BCAS3: variants seen among roughly 807,000 people sequenced by gnomAD.
The protein encoded by BCAS3 is BCAS4/BCAS3 fusion.
In BCAS3, 53 loss-of-function variants were observed where a neutral mutation model predicts 116.1. That is an observed-to-expected ratio of 0.46 (90% CI 0.37 to 0.57). The LOEUF (loss-of-function observed/expected upper bound fraction) is 0.57. BCAS3 is among the 20% of genes least tolerant of loss of function. The pLI, the probability that BCAS3 is intolerant of heterozygous loss-of-function variation, is 0.00. For missense variants in BCAS3, 917 were observed against 1,165.4 expected, an observed-to-expected ratio of 0.79 and a Z score of 3.10; for synonymous variants, 391 against 408.2, an observed-to-expected ratio of 0.96 and a Z score of 0.51.
In BCAS3 at chr17:61,315,646, C is replaced by T. The variant is rs901138122; in HGVS notation, c.2426-52681C>T. 6.6e-6 allele frequency among the ~76,000 whole-genome samples: 1 copy of T among 152,210 alleles called. No individual in the cohort carries two copies. The highest frequency in any genetic ancestry group is 1.5e-5 in the Non-Finnish European group (1 of 68,040). On this transcript the variant is annotated intron_variant, in intron 22 of 23. Transcript: ENST00000407086. The surrounding 1 kb of genome is among the most constrained non-coding windows in gnomAD (Gnocchi z 5.3). ...CCCAAGGACTCTACAGCCTCAGCCTCACCCATCGATGCTTCCCCATGTGGG... is the reference window on the plus strand; with the variant it reads ...CCCAAGGACTCTACAGCCTCAGCCTTACCCATCGATGCTTCCCCATGTGGG...
rs1386663582 is a variant in BCAS3, at chr17:61,134,204, A to G, written c.2425+49640A>G. ...AACACTGGAGCAATTATACATCCTA[A>G]AAAGAAAGGGAAGAAATACCATTTC... On this transcript the variant is annotated intron_variant, in intron 22 of 23. Coordinates refer to ENST00000407086, the MANE Select transcript of BCAS3 (RefSeq NM_017679.5). The surrounding 1 kb of genome is among the most constrained non-coding windows in gnomAD (Gnocchi z 4.6). Among the ~76,000 whole-genome samples the G allele has an allele frequency of 6.6e-6, 1 of 152,228 alleles. No homozygotes were observed. The highest frequency in any genetic ancestry group is 1.5e-5 in the Non-Finnish European group (1 of 68,034).
chr17:60,988,332 CTTTTTCTTTT>C, intron 14 of BCAS3, among the ~76,000 whole-genome samples: 1 of 59,920 alleles, frequency 1.7e-5, no homozygotes, highest in African/African-American at 6.2e-5. Context: ...CTTTTCTTTT[CTTTTTCTTTT>C]TTTTTTTTTT....
At chr17:61,075,917 G>T (rs1300649799) in intron 20 of BCAS3, among the ~76,000 whole-genome samples, 1 of 151,566 alleles carries the variant, frequency 6.6e-6, no homozygotes, top group Admixed American at 6.6e-5. Context: ...TGGCTAATTT[G>T]TTTTTTTTGT....
Position 61,132,811 on chromosome 17 carries a change from G to A in BCAS3, c.2425+48247G>A, listed in dbSNP as rs2076410037. 6.6e-6 allele frequency among the ~76,000 whole-genome samples: 1 copy of A among 152,120 alleles called. No homozygotes were observed. The highest frequency in any genetic ancestry group is 2.4e-5 in the African/African-American group (1 of 41,428). The stretch of plus-strand genomic sequence containing the variant: ...TCAATGAGAAGAAGCTCCTTACCAG[G>A]TCTGTGTGGGTCACGGGGCAAGATC... On this transcript the variant is annotated intron_variant, in intron 22 of 23. Coordinates refer to ENST00000407086, the MANE Select transcript of BCAS3 (RefSeq NM_017679.5). The surrounding 1 kb of genome is among the most constrained non-coding windows in gnomAD (Gnocchi z 5.1).
rs540168681 is a variant in BCAS3, at chr17:60,781,294, C to T, written c.404-26710C>T. ...TTTTTTTTCCTTTTTTTTTTGCCAT[C>T]TTTCTCAAAGAAAGAATTTTCCAGC... On this transcript the variant is annotated intron_variant, in intron 6 of 23. Transcript: ENST00000407086. Among the ~76,000 whole-genome samples, 36 of 150,670 alleles carry T rather than the reference C, an allele frequency of 2.4e-4. No homozygotes were observed. The East Asian group carries it at 6.8e-3, about 29-fold the overall frequency.
intron 7 of BCAS3, among the ~76,000 whole-genome samples, chr17:60,813,937 A>C (rs539419844): frequency 7.4e-4 from 112 of 152,238 alleles, no homozygotes; most frequent in African/African-American, 2.5e-3. Context: ...GTAGCCTTAT[A>C]GTATAGTTTG....
At chr17:61,150,157 G>A (rs1490370535) in intron 22 of BCAS3, among the ~76,000 whole-genome samples, 1 of 152,170 alleles carries the variant, frequency 6.6e-6, no homozygotes, top group Non-Finnish European at 1.5e-5. Context: ...TCCTGTAATT[G>A]GCCAGGAGGT....
At chr17:61,099,131 A>G (rs1236819512) in intron 22 of BCAS3, among the ~76,000 whole-genome samples, 3 of 152,132 alleles carry the variant, frequency 2.0e-5, no homozygotes, top group Non-Finnish European at 4.4e-5. Context: ...CTCAAAAAAA[A>G]TAAAAGATAC....
chr17:60,831,834 T>C (rs1475887021), intron 7 of BCAS3, among the ~76,000 whole-genome samples: 1 of 149,714 alleles, frequency 6.7e-6, no homozygotes, highest in Non-Finnish European at 1.5e-5. Flanking sequence ...GTGGAAAATA[T>C]AAAATACAAT....
At chr17:61,373,077 G>A (rs1000215229) in intron 23 of BCAS3, among the ~76,000 whole-genome samples, 1 of 143,162 alleles carries the variant, frequency 7.0e-6, no homozygotes, top group South Asian at 2.3e-4. Context: ...GTCCAGATCC[G>A]TGTGTAAAGT....
At chr17:60,810,323 A>G (rs1598869519) in intron 7 of BCAS3, 1 of 446,256 alleles carries the variant, frequency 2.2e-6, no homozygotes. Context: ...CACTCCACCA[A>G]CTTCTGGGGT....
chr17:61,002,860 A>G (rs2064348417), intron 15 of BCAS3: 1 of 152,270 alleles, frequency 6.6e-6, no homozygotes, highest in South Asian at 2.1e-4. Flanking sequence ...TATAAGGGCT[A>G]ATAGTTATCT....
chr17:60,721,103 T>C (rs1443910402), intron 5 of BCAS3, among the ~76,000 whole-genome samples: 1 of 152,056 alleles, frequency 6.6e-6, no homozygotes, highest in Non-Finnish European at 1.5e-5. Flanking sequence ...TTATTAGAGG[T>C]TGGGTGCCAA....
intron 22 of BCAS3, among the ~76,000 whole-genome samples, chr17:61,120,802 C>T (rs1336440886): frequency 3.3e-5 from 5 of 151,990 alleles, no homozygotes; most frequent in African/African-American, 1.2e-4. Flanking sequence ...TGTTAAATTT[C>T]TCTATCTCAT....
rs983496854 is a variant in BCAS3 at position 61,239,437 on chromosome 17, G to C, written c.2426-128890G>C. Among the ~76,000 whole-genome samples the C allele has an allele frequency of 6.6e-6, 1 of 152,180 alleles. No homozygotes were observed. On this transcript the variant is annotated intron_variant, in intron 22 of 23. Coordinates refer to ENST00000407086, the MANE Select transcript of BCAS3 (RefSeq NM_017679.5). This position sits in a 1 kb window ranked among gnomAD's most constrained non-coding sequence, Gnocchi z 4.2. ...CAATTTGCAAAGCCTCTAGCAGATA[G>C]TTCTGAAACCTTTGTGAACGCTTTC...
chr17:60,796,958 T>A (rs1269119514), intron 6 of BCAS3, among the ~76,000 whole-genome samples: 1 of 152,200 alleles, frequency 6.6e-6, no homozygotes, highest in Non-Finnish European at 1.5e-5. Context: ...CATGCTGGAG[T>A]GCTGTGGCGT....
intron 6 of BCAS3, among the ~76,000 whole-genome samples, chr17:60,749,864 A>G (rs987278293): frequency 4.6e-5 from 7 of 152,226 alleles, no homozygotes; most frequent in African/African-American, 1.7e-4. Flanking sequence ...AATGTTGGCT[A>G]ACATTTGAAA....
At chr17:61,184,849 T>C (rs1188208313) in intron 22 of BCAS3, among the ~76,000 whole-genome samples, 16 of 152,058 alleles carry the variant, frequency 1.1e-4, no homozygotes, top group Admixed American at 1.0e-3. Context: ...GAATATATCA[T>C]CTGTGATTCT....
intron 5 of BCAS3, among the ~76,000 whole-genome samples, chr17:60,720,739 A>C (rs1484298596): frequency 1.3e-5 from 2 of 152,226 alleles, no homozygotes; most frequent in Admixed American, 6.5e-5. Flanking sequence ...GGATGTGCAT[A>C]GGTTTTATAT....
Sources: gnomAD v4.1 joint callset for allele counts (sites outside exome capture counted in the v4.1 genomes callset) on GRCh38, gnomAD v4.1.1 for gene constraint, Gnocchi (gnomAD v3.1) non-coding constraint, MANE v1.5 for transcripts, NCBI Gene and HGNC (gene_info 2026-07-23, HGNC 2026-07-21) for gene names.